Variants in NBEA observed in about 807,000 individuals in gnomAD.
NBEA encodes lysosomal-trafficking regulator 2.
Under a neutral mutation model 343.4 loss-of-function variants are expected in NBEA, and 44 were observed. That is an observed-to-expected ratio of 0.13 (90% CI 0.10 to 0.16). NBEA has a LOEUF of 0.16. NBEA is among the 10% of genes least tolerant of loss of function. NBEA has a pLI of 1.00. For synonymous variants in NBEA, 1,175 were observed against 1,238.7 expected, an observed-to-expected ratio of 0.95 and a Z score of 1.08; for missense variants, 2,555 against 3,631.3, an observed-to-expected ratio of 0.70 and a Z score of 7.62.
intron 1 of NBEA, among the ~76,000 whole-genome samples, chr13:35,009,579 G>A (rs73487646): frequency 1.3e-5 from 2 of 152,164 alleles, no homozygotes; most frequent in Admixed American, 1.3e-4. Context: ...AGCTCTGGGG[G>A]TTGGACAGAT....
chr13:35,435,913 T>C (rs1322934083), intron 39 of NBEA, among the ~76,000 whole-genome samples: 1 of 152,130 alleles, frequency 6.6e-6, no homozygotes, highest in African/African-American at 2.4e-5. Flanking sequence ...AAAATGCTGA[T>C]AATCTTTGAC....
At chr13:35,618,194 A>G (rs1189619830) in intron 48 of NBEA, among the ~76,000 whole-genome samples, 2 of 152,194 alleles carry the variant, frequency 1.3e-5, no homozygotes, top group Non-Finnish European at 2.9e-5. Context: ...ACAGTGGTAA[A>G]AAACCTCCAT....
rs1594493191 is a variant in NBEA, at chr13:35,401,885, A to G, written c.6180-30384A>G. On this transcript the variant is annotated intron_variant, in intron 38 of 58. Coordinates refer to ENST00000379939, the MANE Select transcript of NBEA (RefSeq NM_001385012.1). ...GTCATGATATATGCCATTGTTTTAA[A>G]TACATAAACCTCCTTTATGTGAAAG... Among the ~76,000 whole-genome samples the G allele has an allele frequency of 2.0e-5, 3 of 152,164 alleles. No homozygotes were observed. The South Asian group carries it at 6.2e-4, about 32-fold the overall frequency.
At chr13:35,276,700 A>C (rs2034611339) in intron 34 of NBEA, among the ~76,000 whole-genome samples, 1 of 152,234 alleles carries the variant, frequency 6.6e-6, no homozygotes, top group African/African-American at 2.4e-5. Context: ...TACATTGCTT[A>C]GCACTTATAT....
intron 18 of NBEA, among the ~76,000 whole-genome samples, chr13:35,148,600 AAT>A (rs372521795): frequency 2.0e-5 from 3 of 151,516 alleles, no homozygotes; most frequent in African/African-American, 2.4e-5. Context: ...AATACTTAAG[AAT>A]ATATATATAT....
intron 28 of NBEA, among the ~76,000 whole-genome samples, chr13:35,177,317 T>G (rs534648880): frequency 1.8e-4 from 27 of 152,008 alleles, no homozygotes; most frequent in Admixed American, 1.8e-3. Context: ...GAAATTTTGA[T>G]GTAAGTTGCT....
intron 34 of NBEA, among the ~76,000 whole-genome samples, chr13:35,261,146 TC>T (rs748162975): frequency 2.0e-5 from 3 of 152,192 alleles, no homozygotes; most frequent in Non-Finnish European, 4.4e-5. Context: ...TGTAAAACTT[TC>T]TGGGAAATGA....
intron 40 of NBEA, among the ~76,000 whole-genome samples, chr13:35,452,914 T>C (rs1458185770): frequency 6.6e-6 from 1 of 152,198 alleles, no homozygotes; most frequent in Non-Finnish European, 1.5e-5. Context: ...CTGTACACAA[T>C]GTCATAGTGG....
chr13:34,992,262 A>ATATATATT (rs1459023833), intron 1 of NBEA, among the ~76,000 whole-genome samples: 60 of 114,322 alleles, frequency 5.2e-4, no homozygotes, highest in Admixed American at 1.6e-3. Flanking sequence ...ATATATATAT[A>ATATATATT]TTTTTTTTTT....
rs565176188 is a variant in NBEA, at chr13:35,503,230, A to G, written c.6585+30694A>G. Among the ~76,000 whole-genome samples, 5 of 151,870 alleles carry G rather than the reference A, an allele frequency of 3.3e-5. No homozygotes were observed. In the South Asian group the frequency reaches 8.3e-4, roughly 25 times the overall value. ...AATACTTGCTAAATACTTAAATATT[A>G]TAGTGTAGTCAATATATAATAGTAT... On this transcript the variant is annotated intron_variant, in intron 41 of 58. Coordinates refer to ENST00000379939, the MANE Select transcript of NBEA (RefSeq NM_001385012.1).
In NBEA at chr13:34,990,316, T is replaced by A. The variant is rs2060707161; in HGVS notation, c.294+47202T>A. 1.3e-5 allele frequency among the ~76,000 whole-genome samples: 2 copies of A among 151,206 alleles called. 1 individual carries two copies. The highest frequency in any genetic ancestry group is 3.0e-5 in the Non-Finnish European group (2 of 67,522). ...TGAGGGCTCTGCCCCTGTAGCAGAC[T>A]TCTGCCAGGATATCCAGACATTTCT... On this transcript the variant is annotated intron_variant, in intron 1 of 58. Transcript: ENST00000379939.
At chr13:35,007,259 T>C (rs1201721763) in intron 1 of NBEA, among the ~76,000 whole-genome samples, 2 of 152,196 alleles carry the variant, frequency 1.3e-5, no homozygotes, top group African/African-American at 4.8e-5. Context: ...GCCCTATTCA[T>C]TGTATTTCAC....
intron 44 of NBEA, among the ~76,000 whole-genome samples, chr13:35,561,411 A>C (rs1476040358): frequency 1.3e-5 from 2 of 152,192 alleles, no homozygotes; most frequent in African/African-American, 2.4e-5. Context: ...ATGTTTAAAA[A>C]TATAGGTCAA....
intron 38 of NBEA, among the ~76,000 whole-genome samples, chr13:35,393,472 G>A (rs1482927176): frequency 6.6e-6 from 1 of 151,930 alleles, no homozygotes; most frequent in Non-Finnish European, 1.5e-5. Flanking sequence ...TTTCTTTAAA[G>A]TGTTTTATTT....
intron 16 of NBEA, among the ~76,000 whole-genome samples, chr13:35,121,966 A>G (rs2066826425): frequency 1.3e-5 from 2 of 152,178 alleles, no homozygotes; most frequent in Admixed American, 1.3e-4. Context: ...GTATTCTAGA[A>G]TTTGTTGCCA....
intron 38 of NBEA, among the ~76,000 whole-genome samples, chr13:35,357,821 A>G (rs1378470169): frequency 2.0e-5 from 3 of 152,082 alleles, no homozygotes; most frequent in African/African-American, 7.2e-5. Context: ...CGTTACTATG[A>G]AAAATTGAAA....
chr13:35,127,077 C>T (rs9573258), intron 17 of NBEA, among the ~76,000 whole-genome samples: 2 of 151,996 alleles, frequency 1.3e-5, no homozygotes, highest in East Asian at 3.9e-4. Flanking sequence ...ATATTGTTTG[C>T]CAGGGAAAAC....
intron 18 of NBEA, among the ~76,000 whole-genome samples, chr13:35,143,140 A>T (rs1474812853): frequency 6.6e-6 from 1 of 152,212 alleles, no homozygotes; most frequent in East Asian, 1.9e-4. Context: ...AATAATCAAA[A>T]AAAGAATAAT....
At chr13:35,637,103 A>C (rs75845297) in intron 49 of NBEA, among the ~76,000 whole-genome samples, 3 of 152,136 alleles carry the variant, frequency 2.0e-5, no homozygotes, top group African/African-American at 7.2e-5. Flanking sequence ...CTGAATAACA[A>C]TCCTATTTGT....
Sources: allele counts gnomAD v4.1 joint callset (sites outside exome capture counted in the v4.1 genomes callset), GRCh38; gene constraint gnomAD v4.1.1; transcripts MANE v1.5; gene names NCBI Gene and HGNC (gene_info 2026-07-23, HGNC 2026-07-21).